The following JAKMIP3 variants were observed in gnomAD, a reference collection of about 807,000 sequenced individuals.
The protein encoded by JAKMIP3 is janus kinase and microtubule-interacting protein 3.
Under a neutral mutation model 118.5 loss-of-function variants are expected in JAKMIP3, and 58 were observed. The ratio of observed to expected loss-of-function variants is 0.49; its 90% CI spans 0.40 to 0.61. JAKMIP3 has a LOEUF of 0.61. JAKMIP3 is among the 20% of genes least tolerant of loss of function. The pLI, the probability that JAKMIP3 is intolerant of heterozygous loss-of-function variation, is 0.00. For synonymous variants in JAKMIP3, 486 were observed against 451.2 expected, an observed-to-expected ratio of 1.08 and a Z score of -0.98; for missense variants, 950 against 1,109.0, an observed-to-expected ratio of 0.86 and a Z score of 2.04.
chr10:132,143,444 C>A (rs892139206), intron 11 of JAKMIP3, among the ~76,000 whole-genome samples: 10 of 152,152 alleles, frequency 6.6e-5, no homozygotes, highest in African/African-American at 2.4e-4. Flanking sequence ...CCTGTCTTCC[C>A]TTTTTCCTGT....
chr10:132,126,129 A>T (rs1273553848), intron 3 of JAKMIP3, among the ~76,000 whole-genome samples: 1 of 152,058 alleles, frequency 6.6e-6, no homozygotes, highest in East Asian at 1.9e-4. Context: ...GCCTTAATGC[A>T]CTGTGAAGGC....
intron 4 of JAKMIP3, 76 bp from the exon 5 acceptor site, chr10:132,134,965 G>A (rs937968916): frequency 9.0e-6 from 14 of 1,562,288 alleles, no homozygotes; most frequent in East Asian, 6.9e-5. Context: ...TTTTGTTCCC[G>A]TAGCGTGCTG....
In JAKMIP3 at chr10:132,118,167, G is replaced by A. The variant is rs2048011782; in HGVS notation, c.633+593G>A. Among the ~76,000 whole-genome samples, 1 of 152,200 alleles carries A rather than the reference G, an allele frequency of 6.6e-6. No homozygotes were observed. ...CCGTTGCACTTGGGCTGGACCAGAT[G>A]AGCTGCCGGTTTTGTGGATCAATGA... On this transcript the variant is annotated intron_variant, in intron 3 of 23. Coordinates refer to ENST00000684848, the MANE Select transcript of JAKMIP3 (RefSeq NM_001323087.2). The surrounding 1 kb of genome is among the most constrained non-coding windows in gnomAD (Gnocchi z 4.8).
intron 1 of JAKMIP3, among the ~76,000 whole-genome samples, chr10:132,042,143 G>C (rs1192632833): frequency 6.7e-6 from 1 of 149,952 alleles, no homozygotes. Flanking sequence ...TGGGATTTTA[G>C]GTGTGAGCCA....
chr10:132,073,542 G>A (rs190167786), intron 1 of JAKMIP3, among the ~76,000 whole-genome samples: 33 of 149,498 alleles, frequency 2.2e-4, no homozygotes, highest in African/African-American at 8.2e-4. Flanking sequence ...TGTTGCCCAG[G>A]CAGAAGTGCA....
intron 9 of JAKMIP3, among the ~76,000 whole-genome samples, chr10:132,139,458 C>G (rs1348195730): frequency 1.8e-5 from 2 of 112,950 alleles, no homozygotes; most frequent in Non-Finnish European, 3.5e-5. Context: ...GTATATGTGT[C>G]TGCATGTGTG....
chr10:132,138,470 G>C (rs2052404377), intron 9 of JAKMIP3, among the ~76,000 whole-genome samples: 1 of 152,050 alleles, frequency 6.6e-6, no homozygotes. Flanking sequence ...GCGCCCGCGT[G>C]TGTGGAGAGC....
chr10:132,104,635 G>C (rs745432426), intron 1 of JAKMIP3, 37 bp from the exon 2 acceptor site: 30 of 666,634 alleles, frequency 4.5e-5, no homozygotes, highest in Non-Finnish European at 7.1e-5. Flanking sequence ...CACGGCTCCG[G>C]AGGGAGCTGC....
intron 1 of JAKMIP3, among the ~76,000 whole-genome samples, chr10:132,054,238 A>T (rs542920364): frequency 6.6e-6 from 1 of 152,014 alleles, no homozygotes; most frequent in South Asian, 2.1e-4. Context: ...GGCTCGGAGG[A>T]GCTGGCAGGC....
At position 132,184,362 on chromosome 10, in the gene JAKMIP3, G is replaced by A. The variant is rs1333727468; in HGVS notation, c.*3109G>A. On this transcript the variant is annotated 3_prime_UTR_variant, in exon 24 of 24. Transcript: ENST00000684848. ...GAAGAGAGTGCCCAAGTGTGGGTTT[G>A]GAGGCACTGACGCATTCGCCAACTC... The A allele has an allele frequency of 6.6e-6, 1 of 152,188 alleles. No homozygotes were observed. The highest frequency in any genetic ancestry group is 1.5e-5 in the Non-Finnish European group (1 of 68,042). 9.4% of individuals were successfully genotyped at this position (152,188 alleles called of 1,614,324 possible).
In JAKMIP3 at chr10:132,147,940, T is replaced by C. The variant is rs1465511612; in HGVS notation, c.1750-12T>C. On this transcript the variant is annotated splice_polypyrimidine_tract_variant and intron_variant, in intron 13 of 23. Coordinates refer to ENST00000684848, the MANE Select transcript of JAKMIP3 (RefSeq NM_001323087.2). The stretch of plus-strand genomic sequence containing the variant: ...ACCAGACCCCTCACCTCATGCATCT[T>C]TTATGTTGCAGATCAAACAAATGGA... The C allele has an allele frequency of 6.3e-7, 1 of 1,584,738 alleles. No homozygotes were observed. The highest frequency in any genetic ancestry group is 1.8e-5 in the Admixed American group (1 of 56,732).
At chr10:132,139,594 T>C (rs572945275) in intron 9 of JAKMIP3, among the ~76,000 whole-genome samples, 16 of 138,162 alleles carry the variant, frequency 1.2e-4, no homozygotes, top group African/African-American at 3.1e-4. Context: ...TCACAAACAC[T>C]TGCCCTCTGA....
intron 19 of JAKMIP3, among the ~76,000 whole-genome samples, chr10:132,162,514 A>G (rs1023571105): frequency 3.9e-5 from 6 of 152,242 alleles, no homozygotes; most frequent in Admixed American, 3.3e-4. Flanking sequence ...TGGTTGTGAC[A>G]GCTGGGGACA....
At position 132,182,776 on chromosome 10, in the gene JAKMIP3, A is replaced by AG. The variant is rs1297499501; in HGVS notation, c.*1524dup. 1 of 152,194 alleles carries AG rather than the reference A, an allele frequency of 6.6e-6. No homozygotes were observed. The highest frequency in any genetic ancestry group is 1.9e-4 in the East Asian group (1 of 5,200). The allele number at this position is 152,194 out of a possible 1,614,324, so 9.4% of individuals were successfully genotyped here. On this transcript the variant is annotated 3_prime_UTR_variant, in exon 24 of 24. Coordinates refer to ENST00000684848, the MANE Select transcript of JAKMIP3 (RefSeq NM_001323087.2). ...AGGCTCATTTTATATTTGTGTCAGAAGAAATGTCTGACTTTGGGGCAGATG... is the reference window on the plus strand; with the variant it reads ...AGGCTCATTTTATATTTGTGTCAGAAGGAAATGTCTGACTTTGGGGCAGATG...
In JAKMIP3 at chr10:132,087,710, A is replaced by AT. The variant is rs1054415860; in HGVS notation, c.-137-16949dup. Among the ~76,000 whole-genome samples, 625 of 142,878 alleles carry AT rather than the reference A, an allele frequency of 4.4e-3. 3 individuals are homozygous for AT. The highest frequency in any genetic ancestry group is 9.8e-3 in the African/African-American group (384 of 39,268). The allele number at this position is 142,878 out of a possible 152,430, so 93.7% of individuals were successfully genotyped here. On this transcript the variant is annotated intron_variant, in intron 1 of 23. Transcript: ENST00000684848. ...GTGTCCATTGTTTCCTGAAGTCTTG[A>AT]TTTTTTTTTTTTTATACTTTAAGTT...
chr10:132,181,665 C>T (rs2061494558), intron 23 of JAKMIP3: 1 of 152,266 alleles, frequency 6.6e-6, no homozygotes. Flanking sequence ...CATTTGACTA[C>T]ATTTATTTTT....
chr10:132,073,247 G>T (rs111471080), intron 1 of JAKMIP3, among the ~76,000 whole-genome samples: 2 of 152,022 alleles, frequency 1.3e-5, no homozygotes, highest in African/African-American at 2.4e-5. Flanking sequence ...CTGCAGTGGC[G>T]CTATCTCGGC....
intron 21 of JAKMIP3, among the ~76,000 whole-genome samples, chr10:132,166,411 C>A (rs774459934): frequency 3.4e-4 from 52 of 152,104 alleles, no homozygotes; most frequent in Non-Finnish European, 5.9e-5. Flanking sequence ...GCCCGATTTT[C>A]TCTCGTGTCC....
chr10:132,064,121 C>T (rs936559990), upstream of JAKMIP3, among the ~76,000 whole-genome samples: 8 of 152,194 alleles, frequency 5.3e-5, no homozygotes, highest in African/African-American at 1.7e-4. The surrounding 1 kb of genome is among the most constrained non-coding windows in gnomAD (Gnocchi z 4.4). Flanking sequence ...CGTTTCCCAT[C>T]GCTTGTTAAA....
Sources: allele counts gnomAD v4.1 joint callset (sites outside exome capture counted in the v4.1 genomes callset), GRCh38; gene constraint gnomAD v4.1.1; non-coding constraint Gnocchi (gnomAD v3.1); transcripts MANE v1.5; gene names NCBI Gene and HGNC (gene_info 2026-07-23, HGNC 2026-07-21).